NRSN2: variants seen among roughly 807,000 people sequenced by gnomAD.
NRSN2 encodes the protein neurensin 2.
A neutral mutation model predicts 11.1 loss-of-function variants in NRSN2; 10 were observed. The ratio of observed to expected loss-of-function variants is 0.90; its 90% CI spans 0.56 to 1.53. The LOEUF is 1.53. Ranked by LOEUF, NRSN2 falls within the 40% of genes most tolerant of loss-of-function variation. The pLI is 0.00. For missense variants in NRSN2, 260 were observed against 273.7 expected, an observed-to-expected ratio of 0.95 and a Z score of 0.35; for synonymous variants, 100 against 117.0, an observed-to-expected ratio of 0.86 and a Z score of 0.94.
rs772762220 is a variant in NRSN2 at position 353,410 on chromosome 20, C to T, written c.390C>T (p.Leu130=). The part of the protein sequence containing the change: ...TALCVAAGVL[L]AICLFWAMIG... ...TCTGTGTGGCAGCTGGAGTTCTGCT[C>T]GCCATCTGCCTCTTCTGGGCCATGA... The change falls in exon 5 of 5, where the codon CTC becomes CTT. Residue 130 remains leucine (L), a synonymous_variant. Transcript: ENST00000382285. 17 of 1,613,824 alleles carry T rather than the reference C, an allele frequency of 1.1e-5. 1 individual carries two copies. The highest frequency in any genetic ancestry group is 3.3e-4 in the Middle Eastern group (2 of 6,082).
chr20:353,120 C>G, intron 4 of NRSN2, 90 bp from the exon 5 acceptor site: 1 of 1,213,108 alleles, frequency 8.2e-7, no homozygotes, highest in South Asian at 1.3e-5. Flanking sequence ...AAGGGGTTAC[C>G]CTTAAGTCTG....
At chr20:352,145 C>T (rs2122562934) in intron 4 of NRSN2, among the ~76,000 whole-genome samples, 1 of 152,224 alleles carries the variant, frequency 6.6e-6, no homozygotes, top group Middle Eastern at 3.4e-3. Flanking sequence ...TGTGGTTTCT[C>T]AATGGTAGAC....
At chr20:348,642 T>G (rs538675140) in intron 2 of NRSN2, among the ~76,000 whole-genome samples, 29 of 151,866 alleles carry the variant, frequency 1.9e-4, no homozygotes, top group Non-Finnish European at 3.1e-4. Flanking sequence ...TGATTGGAAG[T>G]GAGGGGCAGC....
chr20:353,915 C>G lies in NRSN2; in HGVS notation c.*280C>G, dbSNP rs1422801375. ...ACATCTCCTTCAACCCGTCCCCACT[C>G]CTTCCTCTGCATGACCTTGGGCAAA... On this transcript the variant is annotated 3_prime_UTR_variant, in exon 5 of 5. Transcript: ENST00000382285. The G allele has an allele frequency of 2.1e-6, 1 of 482,046 alleles. No homozygotes were observed. Among genetic ancestry groups the G allele is most frequent in the African/African-American group, 2.0e-5 (1 of 50,038 alleles). The allele number at this position is 482,046 out of a possible 1,614,324, so 29.9% of individuals were successfully genotyped here. A position where few individuals can be genotyped will look rare whatever the true frequency, so the allele number is the denominator to read the frequency against.
chr20:349,453 T>G, intron 3 of NRSN2, 90 bp downstream of exon 3: 1 of 551,484 alleles, frequency 1.8e-6, no homozygotes, highest in Non-Finnish European at 3.2e-6. Context: ...CATTGGCTCA[T>G]TCGCAGTGTG....
chr20:349,678 G>A lies in NRSN2; in HGVS notation c.35G>A (p.Ser12Asn), dbSNP rs1282109168. 6.2e-7 allele frequency: 1 copy of A among 1,612,862 alleles called. No individual in the cohort carries two copies. Among genetic ancestry groups the A allele is most frequent in the South Asian group, 1.1e-5 (1 of 91,046 alleles). ...MPSCNRSCSC[S>N]RGPSVEDGKW... is the part of the protein sequence containing the mutation. Reference sequence around the variant, plus strand: ...AGCTGCAATCGTTCCTGCAGCTGCAGCCGCGGCCCCAGCGTGGAGGATGGC... The same window carrying A: ...AGCTGCAATCGTTCCTGCAGCTGCAACCGCGGCCCCAGCGTGGAGGATGGC... Residue 12 changes from serine to asparagine, a missense_variant, in exon 4 of 5, where the codon AGC (serine) becomes AAC (asparagine). Ser to Asn is a conservative substitution (Grantham distance 46). Transcript: ENST00000382285.
chr20:352,168 C>T (rs867492162), intron 4 of NRSN2, among the ~76,000 whole-genome samples: 17 of 152,234 alleles, frequency 1.1e-4, no homozygotes, highest in Non-Finnish European at 2.5e-4. Flanking sequence ...GAGTACCTTG[C>T]CAGGGCAGAG....
Position 347,869 on chromosome 20 carries a change from T to G in NRSN2, c.-122+357T>G, listed in dbSNP as rs904326555. On this transcript the variant is annotated intron_variant, in intron 2 of 4. Transcript: ENST00000382285. The surrounding 1 kb of genome is among the most constrained non-coding windows in gnomAD (Gnocchi z 7.0). ...TCCCTAGCGGTTCCCATGGCAACCC[T>G]CGTCCCGGGTGCCTGCGCCCCGCCC... Among the ~76,000 whole-genome samples, 2 of 150,636 alleles carry G rather than the reference T, an allele frequency of 1.3e-5. No individual in the cohort carries two copies. The highest frequency in any genetic ancestry group is 3.0e-5 in the Non-Finnish European group (2 of 67,606).
In NRSN2 at chr20:349,790, G is replaced by T. The variant is rs778429240; in HGVS notation, c.147G>T (p.Pro49=). The change falls in exon 4 of 5, where the codon CCG becomes CCT. Residue 49 remains proline, a synonymous_variant. Coordinates refer to ENST00000382285, the MANE Select transcript of NRSN2 (RefSeq NM_001323682.2). The part of the protein sequence containing the change: ...TALSDDPEGP[P]VLCPRRPWPS... ...TCAGCGACGACCCTGAGGGACCTCC[G>T]GTCCTGTGCCCCCGCCGGCCCTGGC... is the stretch of plus-strand genomic sequence containing the variant. The T allele has an allele frequency of 1.9e-6, 3 of 1,613,384 alleles. No homozygotes were observed. In the Admixed American group the frequency reaches 5.0e-5, roughly 27 times the overall value.
At chr20:349,901 T>C in intron 4 of NRSN2, 69 bp downstream of exon 4, 1 of 1,475,874 alleles carries the variant, frequency 6.8e-7, no homozygotes, top group Non-Finnish European at 9.2e-7. Flanking sequence ...AATTTGAGGC[T>C]CAGAGGAAAA....
chr20:348,335 G>C (rs1568513921), intron 2 of NRSN2: 1 of 152,884 alleles, frequency 6.5e-6, no homozygotes, highest in Non-Finnish European at 1.5e-5. Flanking sequence ...TCTCTGTCGT[G>C]GCTTTTGTTG....
intron 2 of NRSN2, among the ~76,000 whole-genome samples, 159 bp from the exon 3 acceptor site, chr20:349,090 C>T (rs958963155): frequency 2.0e-5 from 3 of 152,036 alleles, no homozygotes; most frequent in African/African-American, 7.2e-5. Flanking sequence ...TGAAGGGGAG[C>T]GGAGGGTGAG....
chr20:352,222 G>T (rs548786724), intron 4 of NRSN2, among the ~76,000 whole-genome samples: 1 of 152,298 alleles, frequency 6.6e-6, no homozygotes, highest in South Asian at 2.1e-4. Context: ...AAGGAGACTA[G>T]TCGGCCAGGG....
chr20:353,751 C>T lies in NRSN2; in HGVS notation c.*116C>T. ...AGCAGGGTCCCTTTAGAGCCCAACT[C>T]CAGGTCAAATCTGGAGCTCAAATCC... On this transcript the variant is annotated 3_prime_UTR_variant, in exon 5 of 5. Transcript: ENST00000382285. The T allele has an allele frequency of 2.7e-6, 3 of 1,108,964 alleles. No individual in the cohort carries two copies. The highest frequency in any genetic ancestry group is 2.6e-5 in the East Asian group (1 of 37,908). The allele number at this position is 1,108,964 out of a possible 1,614,324, so 68.7% of individuals were successfully genotyped here. A position where few individuals can be genotyped will look rare whatever the true frequency, so the allele number is the denominator to read the frequency against.
Position 353,383 on chromosome 20 carries a change from G to A in NRSN2, c.363G>A (p.Ala121=), listed in dbSNP as rs35896765. 1.3e-3 allele frequency: 2,107 copies of A among 1,613,900 alleles called. 28 individuals are homozygous for A. The African/African-American group carries it at 0.024, about 19-fold the overall frequency. The change falls in exon 5 of 5, where the codon GCG becomes GCA. Residue 121 remains alanine, a synonymous_variant. Transcript: ENST00000382285. ...ALGTCRLAGT[A]LCVAAGVLLA... The stretch of plus-strand genomic sequence containing the variant: ...GCACCTGTCGCCTGGCAGGCACAGC[G>A]CTCTGTGTGGCAGCTGGAGTTCTGC...
At chr20:353,129 TG>T in intron 4 of NRSN2, 80 bp from the exon 5 acceptor site, 1 of 1,316,636 alleles carries the variant, frequency 7.6e-7, no homozygotes. Context: ...CCCTTAAGTC[TG>T]GTGAGGATCC....
At chr20:349,511 C>A (rs545285725) in intron 3 of NRSN2, 127 bp from the exon 4 acceptor site, 5 of 682,396 alleles carry the variant, frequency 7.3e-6, no homozygotes, top group African/African-American at 5.4e-5. Context: ...CTGTGCTATG[C>A]GTGTAGGGTG....
At position 349,852 on chromosome 20, in the gene NRSN2, T is replaced by A; in HGVS notation, c.189+20T>A. On this transcript the variant is annotated intron_variant, in intron 4 of 4. Transcript: ENST00000382285. The stretch of plus-strand genomic sequence containing the variant: ...TGGAAGGTAAGGCCAGATGAGCACC[T>A]CCCATGATTCCTCTGCCTTGATGGA... The A allele has an allele frequency of 1.3e-6, 2 of 1,597,870 alleles. No homozygotes were observed. The highest frequency in any genetic ancestry group is 1.7e-6 in the Non-Finnish European group (2 of 1,170,600).
Position 347,675 on chromosome 20 carries a change from G to A in NRSN2, c.-122+163G>A, listed in dbSNP as rs1482448981. On this transcript the variant is annotated intron_variant, in intron 2 of 4. Coordinates refer to ENST00000382285, the MANE Select transcript of NRSN2 (RefSeq NM_001323682.2). This position sits in a 1 kb window ranked among gnomAD's most constrained non-coding sequence, Gnocchi z 7.0. ...CACAACTGAATGAGGCTGTGCAGAG[G>A]CGACAGATTCCGTCCATCTTCGGGC... 4.6e-5 allele frequency among the ~76,000 whole-genome samples: 7 copies of A among 152,126 alleles called. No individual in the cohort carries two copies. The highest frequency in any genetic ancestry group is 1.4e-4 in the African/African-American group (6 of 41,524).
Sources: gnomAD v4.1 joint callset for allele counts (sites outside exome capture counted in the v4.1 genomes callset) on GRCh38, gnomAD v4.1.1 for gene constraint, Gnocchi (gnomAD v3.1) non-coding constraint, MANE v1.5 for transcripts, NCBI Gene and HGNC (gene_info 2026-07-23, HGNC 2026-07-21) for gene names.